The following PRIM2 variants were observed in gnomAD, a reference collection of about 807,000 sequenced individuals.
PRIM2 encodes the protein DNA primase subunit 2.
PRIM2 carries 39 observed loss-of-function variants against 67.3 expected under a neutral mutation model. The observed-to-expected ratio is 0.58, with a 90% CI of 0.45 to 0.76. The LOEUF is 0.76. Ranked by LOEUF, PRIM2 falls within the 30% of genes least tolerant of loss-of-function variation. The probability of loss-of-function intolerance (pLI) is 0.00; values close to 1 mark genes in which losing one functional copy is unlikely to be tolerated. For missense variants in PRIM2, 398 were observed against 598.7 expected (o/e 0.66, Z 3.50); for synonymous variants, 143 against 198.7 (o/e 0.72, Z 2.36).
At chr6:57,258,709 T>TC in the PRIM2 span, among the ~76,000 whole-genome samples, 5 of 151,960 alleles carry the variant, frequency 3.3e-5, no homozygotes, top group Non-Finnish European at 7.4e-5. Flanking sequence ...AGGGCATCTA[T>TC]CCCCTGTTCT....
At chr6:57,263,951 C>A in the PRIM2 span, among the ~76,000 whole-genome samples, 1 of 152,214 alleles carries the variant, frequency 6.6e-6, no homozygotes, top group Non-Finnish European at 1.5e-5. Flanking sequence ...CTAGAGCGTG[C>A]TGCCACCAGC....
At chr6:57,431,724 C>T (rs1771836826) in intron 7 of PRIM2, among the ~76,000 whole-genome samples, 1 of 152,098 alleles carries the variant, frequency 6.6e-6, no homozygotes, top group African/African-American at 2.4e-5. Context: ...AGTCATCATG[C>T]ACCTAATGAT....
At chr6:57,317,279 G>A (rs1767508941), upstream of PRIM2, among the ~76,000 whole-genome samples, 1 of 152,166 alleles carries the variant, frequency 6.6e-6, no homozygotes, top group East Asian at 1.9e-4. Flanking sequence ...GAGGGTTAAA[G>A]CGCCATATTT....
intron 7 of PRIM2, among the ~76,000 whole-genome samples, chr6:57,406,000 T>G (rs1178935143): frequency 6.6e-6 from 1 of 152,172 alleles, no homozygotes; most frequent in Non-Finnish European, 1.5e-5. Context: ...ATATGTGTGG[T>G]CAATAAAAAG....
At chr6:57,617,492 ATTT>A (rs1776776080) in intron 12 of PRIM2, among the ~76,000 whole-genome samples, 1 of 152,068 alleles carries the variant, frequency 6.6e-6, no homozygotes, top group Admixed American at 6.5e-5. Context: ...TTTGATTTGC[ATTT>A]TTCTAATGAA....
intron 7 of PRIM2, among the ~76,000 whole-genome samples, chr6:57,462,720 A>G (rs1483858055): frequency 1.3e-5 from 2 of 152,166 alleles, no homozygotes; most frequent in Non-Finnish European, 2.9e-5. Flanking sequence ...TTTTTGTGAT[A>G]TGGCTAATGT....
chr6:57,382,079 T>C lies in PRIM2; in HGVS notation c.604T>C (p.Leu202=). The change falls in exon 7 of 14, where the codon TTG becomes CTG. Residue 202 remains leucine, a synonymous_variant. Transcript: ENST00000615550. ...LDLFRGRKVY[L]EDGFAYVPLK... The stretch of plus-strand genomic sequence containing the variant: ...TTTGTTTCGAGGAAGGAAAGTCTAT[T>C]TGGAAGATGGCTTTGCTTACGTACC... The C allele has an allele frequency of 6.2e-7, 1 of 1,613,000 alleles. No individual in the cohort carries two copies. Among genetic ancestry groups the C allele is most frequent in the Non-Finnish European group, 8.5e-7 (1 of 1,179,374 alleles).
chr6:57,287,312 T>C, the PRIM2 span, among the ~76,000 whole-genome samples: 1 of 152,232 alleles, frequency 6.6e-6, no homozygotes, highest in Non-Finnish European at 1.5e-5. Flanking sequence ...TGCACACGTA[T>C]GTTTATTGTA....
At chr6:57,272,926 C>A in the PRIM2 span, among the ~76,000 whole-genome samples, 7 of 152,144 alleles carry the variant, frequency 4.6e-5, no homozygotes, top group African/African-American at 1.7e-4. Context: ...GTTGAAAATT[C>A]TTTTCTTGAA....
chr6:57,234,076 T>C, the PRIM2 span, among the ~76,000 whole-genome samples: 1 of 152,176 alleles, frequency 6.6e-6, no homozygotes, highest in Non-Finnish European at 1.5e-5. Context: ...TAATTCTCAA[T>C]TTGAAGGATA....
intron 10 of PRIM2, among the ~76,000 whole-genome samples, chr6:57,560,506 T>C (rs1258399227): frequency 6.6e-6 from 1 of 151,654 alleles, no homozygotes; most frequent in Non-Finnish European, 1.5e-5. Context: ...GAATGGTGAA[T>C]TCTTTCCAGG....
chr6:57,262,107 G>A, the PRIM2 span, among the ~76,000 whole-genome samples: 1 of 152,124 alleles, frequency 6.6e-6, no homozygotes, highest in Non-Finnish European at 1.5e-5. Flanking sequence ...TCAGCAGTGT[G>A]GTATAGTAGA....
At chr6:57,269,585 G>A in the PRIM2 span, among the ~76,000 whole-genome samples, 2 of 152,080 alleles carry the variant, frequency 1.3e-5, no homozygotes, top group African/African-American at 2.4e-5. Context: ...TAGGTTGCCT[G>A]TTCACTCTGA....
chr6:57,293,244 G>A, the PRIM2 span, among the ~76,000 whole-genome samples: 81 of 152,266 alleles, frequency 5.3e-4, no homozygotes, highest in African/African-American at 1.6e-3. Context: ...AATACTCATC[G>A]TCACTGCTCA....
intron 9 of PRIM2, among the ~76,000 whole-genome samples, chr6:57,536,945 A>T (rs1775014011): frequency 7.6e-6 from 1 of 131,226 alleles, no homozygotes; most frequent in Non-Finnish European, 1.6e-5. Context: ...CCTACATGTG[A>T]CAAAACTGTA....
chr6:57,375,000 T>C (rs1459988437), intron 5 of PRIM2, among the ~76,000 whole-genome samples: 1 of 152,276 alleles, frequency 6.6e-6, no homozygotes, highest in African/African-American at 2.4e-5. Context: ...TATAGGATGA[T>C]GTCATCTGTA....
At chr6:57,386,439 A>G (rs1410015360) in intron 7 of PRIM2, among the ~76,000 whole-genome samples, 1 of 148,410 alleles carries the variant, frequency 6.7e-6, no homozygotes, top group Admixed American at 6.7e-5. Context: ...AAAAAAAAAA[A>G]GAACGAAAGA....
chr6:57,472,134 A>C (rs1418824128), intron 7 of PRIM2, among the ~76,000 whole-genome samples: 1 of 152,106 alleles, frequency 6.6e-6, no homozygotes, highest in Admixed American at 6.5e-5. Context: ...GATATACCTG[A>C]AACTGTGCAC....
the PRIM2 span, among the ~76,000 whole-genome samples, chr6:57,234,263 A>G: frequency 1.8e-4 from 28 of 152,198 alleles, no homozygotes; most frequent in African/African-American, 6.7e-4. Flanking sequence ...GTGTAGTTAT[A>G]TTTTTCTTCT....
Sources: gnomAD v4.1 joint callset for allele counts (sites outside exome capture counted in the v4.1 genomes callset) on GRCh38, gnomAD v4.1.1 for gene constraint, MANE v1.5 for transcripts, NCBI Gene and HGNC (gene_info 2026-07-23, HGNC 2026-07-21) for gene names.